Variants in PRKG2 observed in about 807,000 individuals in gnomAD.
PRKG2 encodes the protein cGMP-dependent protein kinase 2.
Under a neutral mutation model 97.2 loss-of-function variants are expected in PRKG2, and 33 were observed. That is an observed-to-expected ratio of 0.34 (90% CI 0.26 to 0.45). The LOEUF (loss-of-function observed/expected upper bound fraction) is 0.45, where lower values mean the gene tolerates loss of function less well. Among genes scored for constraint, PRKG2 ranks in the 20% least tolerant of loss-of-function variants. PRKG2 has a pLI of 1.00. For synonymous variants in PRKG2, 330 were observed against 321.8 expected (o/e 1.03, Z -0.27); for missense variants, 638 against 900.0 (o/e 0.71, Z 3.73).
intron 6 of PRKG2, among the ~76,000 whole-genome samples, chr4:81,166,864 T>A (rs1578455535): frequency 6.6e-6 from 1 of 152,278 alleles, no homozygotes; most frequent in South Asian, 2.1e-4. Flanking sequence ...GAAAATCAAA[T>A]GCTTCTTGAG....
intron 1 of PRKG2, among the ~76,000 whole-genome samples, chr4:81,208,646 G>A (rs1014641751): frequency 1.3e-5 from 2 of 151,862 alleles, no homozygotes; most frequent in Non-Finnish European, 2.9e-5. Flanking sequence ...AACTGGTCTC[G>A]AAATCCTGGG....
intron 2 of PRKG2, among the ~76,000 whole-genome samples, chr4:81,188,884 GA>G (rs1752156507): frequency 2.4e-5 from 1 of 41,442 alleles, no homozygotes; most frequent in Admixed American, 3.0e-4. Context: ...GGGGTCGGGG[GA>G]GGGGGGAGGG....
intron 2 of PRKG2, among the ~76,000 whole-genome samples, chr4:81,187,367 A>G (rs7659331): frequency 0.17 from 25,587 of 152,176 alleles, 3,748 homozygotes; most frequent in East Asian, 0.37. Flanking sequence ...AGAACCAATG[A>G]CAAAAACCAC....
At chr4:81,150,036 C>T (rs1175267588) in intron 8 of PRKG2, among the ~76,000 whole-genome samples, 2 of 152,032 alleles carry the variant, frequency 1.3e-5, no homozygotes, top group African/African-American at 2.4e-5. Flanking sequence ...GTTTCATGGA[C>T]CTTTGAGACA....
intron 14 of PRKG2, among the ~76,000 whole-genome samples, chr4:81,117,805 A>T (rs375450147): frequency 2.1e-3 from 260 of 122,214 alleles, no homozygotes; most frequent in African/African-American, 0.01. Context: ...AGAGAGAAGC[A>T]CTTGTTACAA....
At chr4:81,106,275 T>C (rs1743327788) in intron 15 of PRKG2, among the ~76,000 whole-genome samples, 2 of 151,998 alleles carry the variant, frequency 1.3e-5, no homozygotes. Context: ...TGCAGACGTA[T>C]GAATAAAGAG....
intron 6 of PRKG2, among the ~76,000 whole-genome samples, chr4:81,162,113 T>C (rs141376750): frequency 6.6e-6 from 1 of 152,278 alleles, no homozygotes; most frequent in East Asian, 1.9e-4. Flanking sequence ...CTCTGTTTCA[T>C]TTTCTGTAAA....
In PRKG2 at chr4:81,140,048, G is replaced by A. The variant is rs59274026; in HGVS notation, c.1544+485C>T. On this transcript the variant is annotated intron_variant, in intron 12 of 18. Transcript: ENST00000264399. ...TATGTTATGTGAAATAAGCCAGACA[G>A]AGAAAGACAAACATCACACGTTCTC... Among the ~76,000 whole-genome samples the A allele has an allele frequency of 4.3e-3, 657 of 152,260 alleles. 6 individuals carry two copies. The highest frequency in any genetic ancestry group is 0.015 in the African/African-American group (617 of 41,538).
intron 2 of PRKG2, among the ~76,000 whole-genome samples, chr4:81,194,808 C>A (rs1752846058): frequency 6.6e-6 from 1 of 152,150 alleles, no homozygotes; most frequent in Non-Finnish European, 1.5e-5. Context: ...TAGTACTGCT[C>A]TTAAATCTTC....
At chr4:81,158,893 A>G (rs1377939721) in intron 6 of PRKG2, among the ~76,000 whole-genome samples, 2 of 150,996 alleles carry the variant, frequency 1.3e-5, no homozygotes, top group Admixed American at 1.3e-4. Context: ...CTGGCTAGCC[A>G]TATGTAGAAA....
chr4:81,125,985 G>C (rs994264755), intron 14 of PRKG2, among the ~76,000 whole-genome samples: 2 of 152,046 alleles, frequency 1.3e-5, no homozygotes, highest in African/African-American at 4.8e-5. Context: ...CCATCAACCT[G>C]TCATCTACAT....
At chr4:81,187,756 A>T (rs1319121347) in intron 2 of PRKG2, among the ~76,000 whole-genome samples, 4 of 152,166 alleles carry the variant, frequency 2.6e-5, no homozygotes, top group Non-Finnish European at 5.9e-5. Flanking sequence ...CTGATAAGCA[A>T]CTTCATCAAA....
At chr4:81,209,415 T>C (rs1753853183) in intron 1 of PRKG2, among the ~76,000 whole-genome samples, 1 of 152,136 alleles carries the variant, frequency 6.6e-6, no homozygotes. Flanking sequence ...TATAGCTACA[T>C]GTATATCTGT....
At chr4:81,145,292 G>A (rs1747746666) in intron 9 of PRKG2, among the ~76,000 whole-genome samples, 1 of 152,070 alleles carries the variant, frequency 6.6e-6, no homozygotes, top group African/African-American at 2.4e-5. Flanking sequence ...TAGTGGGAAG[G>A]GAACAGCCTT....
intron 3 of PRKG2, among the ~76,000 whole-genome samples, chr4:81,173,191 T>A (rs1040648427): frequency 3.2e-4 from 48 of 152,294 alleles, no homozygotes; most frequent in African/African-American, 1.1e-3. Flanking sequence ...ATATTTTTAA[T>A]TATCAAATTA....
intron 4 of PRKG2, 74 bp downstream of exon 4, chr4:81,171,617 G>A: frequency 8.9e-7 from 1 of 1,124,068 alleles, no homozygotes; most frequent in Non-Finnish European, 1.3e-6. Context: ...GGATCAGGGT[G>A]CAAATGTGAC....
chr4:81,110,912 C>T (rs1743863332), intron 14 of PRKG2, among the ~76,000 whole-genome samples: 1 of 151,474 alleles, frequency 6.6e-6, no homozygotes, highest in Non-Finnish European at 1.5e-5. Flanking sequence ...GGAGGAATGG[C>T]TTAGCAAAGG....
chr4:81,133,079 C>T (rs1410480547), intron 14 of PRKG2, among the ~76,000 whole-genome samples: 1 of 151,958 alleles, frequency 6.6e-6, no homozygotes, highest in African/African-American at 2.4e-5. Flanking sequence ...AAAGAATATA[C>T]ATTGATTCTT....
At chr4:81,101,127 A>G (rs1192138143) in intron 17 of PRKG2, among the ~76,000 whole-genome samples, 10 of 151,696 alleles carry the variant, frequency 6.6e-5, no homozygotes, top group Admixed American at 1.3e-4. Flanking sequence ...GGGACTGTAA[A>G]CTAGTTCAAC....
Sources: allele counts gnomAD v4.1 joint callset (sites outside exome capture counted in the v4.1 genomes callset), GRCh38; gene constraint gnomAD v4.1.1; transcripts MANE v1.5; gene names NCBI Gene and HGNC (gene_info 2026-07-23, HGNC 2026-07-21).